Variants in TACR3 observed in about 807,000 individuals in gnomAD.
TACR3 encodes the protein tachykinin receptor 3.
A neutral mutation model predicts 35.0 loss-of-function variants in TACR3; 34 were observed. The observed-to-expected ratio is 0.97, with a 90% CI of 0.74 to 1.30. The LOEUF (loss-of-function observed/expected upper bound fraction) is 1.30. TACR3 is among the 50% of genes most tolerant of loss of function. The pLI is 0.00. For missense variants in TACR3, 558 were observed against 591.7 expected, an observed-to-expected ratio of 0.94 and a Z score of 0.59; for synonymous variants, 233 against 221.1, an observed-to-expected ratio of 1.05 and a Z score of -0.48.
chr4:103,599,250 C>T (rs923869274), intron 3 of TACR3, among the ~76,000 whole-genome samples: 1 of 147,188 alleles, frequency 6.8e-6, no homozygotes, highest in Non-Finnish European at 1.5e-5. Flanking sequence ...ATTTGGCTCT[C>T]TGTTTGTCTG....
At chr4:103,646,898 C>T (rs921533596) in intron 3 of TACR3, among the ~76,000 whole-genome samples, 1 of 151,860 alleles carries the variant, frequency 6.6e-6, no homozygotes, top group Non-Finnish European at 1.5e-5. Context: ...CTATAGTTTT[C>T]TTACTTAGGG....
intron 1 of TACR3, among the ~76,000 whole-genome samples, chr4:103,669,064 A>G (rs1183188645): frequency 3.3e-5 from 5 of 152,204 alleles, no homozygotes; most frequent in East Asian, 1.9e-4. Context: ...AAAATATACA[A>G]TATCTGTCTT....
chr4:103,671,774 T>G (rs749502526), intron 1 of TACR3, among the ~76,000 whole-genome samples: 4 of 152,058 alleles, frequency 2.6e-5, no homozygotes, highest in Non-Finnish European at 4.4e-5. Flanking sequence ...TTTATTGTTA[T>G]AAACTTCCCT....
intron 1 of TACR3, among the ~76,000 whole-genome samples, chr4:103,707,729 G>T (rs752541052): frequency 6.6e-6 from 1 of 152,064 alleles, no homozygotes; most frequent in Non-Finnish European, 1.5e-5. Context: ...AAGCACAAGG[G>T]GTCAGGGAAG....
At chr4:103,600,974 G>A (rs1222397268) in intron 3 of TACR3, among the ~76,000 whole-genome samples, 1 of 152,134 alleles carries the variant, frequency 6.6e-6, no homozygotes, top group Non-Finnish European at 1.5e-5. Context: ...TGTCTATCAG[G>A]TCAGCTTTGT....
intron 3 of TACR3, among the ~76,000 whole-genome samples, chr4:103,651,990 C>T (rs1725628654): frequency 6.6e-6 from 1 of 152,040 alleles, no homozygotes; most frequent in Admixed American, 6.6e-5. Context: ...TTTACTCTTT[C>T]CTCTCCTTTC....
chr4:103,690,006 C>G (rs991547904), intron 1 of TACR3, among the ~76,000 whole-genome samples: 3 of 152,042 alleles, frequency 2.0e-5, no homozygotes, highest in Admixed American at 6.6e-5. Flanking sequence ...ATGAAATTAA[C>G]AGATGGCTTT....
chr4:103,591,803 A>C (rs1723903552), intron 3 of TACR3, 120 bp from the exon 4 acceptor site: 1 of 978,912 alleles, frequency 1.0e-6, no homozygotes. Context: ...GGGAATAGTC[A>C]ATATATTAAA....
At chr4:103,619,870 CA>C (rs1428303326) in intron 3 of TACR3, among the ~76,000 whole-genome samples, 4 of 151,932 alleles carry the variant, frequency 2.6e-5, no homozygotes, top group African/African-American at 9.7e-5. Flanking sequence ...GGAATGTCTC[CA>C]AAGTAACAAA....
intron 3 of TACR3, among the ~76,000 whole-genome samples, chr4:103,600,418 A>G (rs1724167183): frequency 6.6e-6 from 1 of 152,072 alleles, no homozygotes; most frequent in South Asian, 2.1e-4. Flanking sequence ...CAGCTCCTGG[A>G]TTCATTAATC....
chr4:103,610,892 A>G (rs1578225711), intron 3 of TACR3, among the ~76,000 whole-genome samples: 1 of 151,996 alleles, frequency 6.6e-6, no homozygotes, highest in African/African-American at 2.4e-5. Flanking sequence ...TCCTTTCCCC[A>G]ATGTGTGTTC....
intron 3 of TACR3, among the ~76,000 whole-genome samples, chr4:103,627,528 A>G (rs1724924505): frequency 6.6e-6 from 1 of 151,396 alleles, no homozygotes. Context: ...GGTCAAAAAA[A>G]TAAATAAATA....
chr4:103,706,893 T>G (rs1722806385), intron 1 of TACR3, among the ~76,000 whole-genome samples: 1 of 152,196 alleles, frequency 6.6e-6, no homozygotes, highest in African/African-American at 2.4e-5. Context: ...GTTATCTGCT[T>G]CCCAAGCTAT....
rs1207180725 is a variant in TACR3 at position 103,586,703 on chromosome 4, T to C, written c.*2979A>G. On this transcript the variant is annotated 3_prime_UTR_variant, in exon 5 of 5. Transcript: ENST00000304883. ...GAATTCAGCTGCTGGGTCAGAAATGTCACCATCATGAAGTTAGAAGATGGA... is the reference window on the plus strand; with the variant it reads ...GAATTCAGCTGCTGGGTCAGAAATGCCACCATCATGAAGTTAGAAGATGGA... The C allele has an allele frequency of 6.6e-6, 1 of 151,464 alleles. No homozygotes were observed. Among genetic ancestry groups the C allele is most frequent in the Non-Finnish European group, 1.5e-5 (1 of 68,006 alleles). The allele number at this position is 151,464 out of a possible 1,614,324, so 9.4% of individuals were successfully genotyped here. A position where few individuals can be genotyped will look rare whatever the true frequency, so the allele number is the denominator to read the frequency against.
chr4:103,600,108 TATTG>T (rs746342705), intron 3 of TACR3, among the ~76,000 whole-genome samples: 13 of 152,130 alleles, frequency 8.5e-5, no homozygotes, highest in Non-Finnish European at 1.6e-4. Context: ...GTTGGTAAGC[TATTG>T]ATTATTACCT....
chr4:103,680,468 G>GATATATATAT (rs138086790), intron 1 of TACR3, among the ~76,000 whole-genome samples: 2 of 143,302 alleles, frequency 1.4e-5, no homozygotes, highest in Non-Finnish European at 3.1e-5. Flanking sequence ...CAGATTAAGT[G>GATATATATAT]ATATATATAT....
intron 1 of TACR3, among the ~76,000 whole-genome samples, chr4:103,679,334 T>C (rs1362709078): frequency 6.6e-6 from 1 of 152,036 alleles, no homozygotes; most frequent in Non-Finnish European, 1.5e-5. Context: ...GTATAAATAA[T>C]GGCTGTTATG....
At chr4:103,687,279 C>G (rs1450032701) in intron 1 of TACR3, among the ~76,000 whole-genome samples, 1 of 152,116 alleles carries the variant, frequency 6.6e-6, no homozygotes, top group South Asian at 2.1e-4. Context: ...GACAAATCCA[C>G]AGCCAATATC....
intron 1 of TACR3, among the ~76,000 whole-genome samples, chr4:103,703,422 G>T (rs1376921350): frequency 6.6e-6 from 1 of 151,938 alleles, no homozygotes; most frequent in African/African-American, 2.4e-5. Flanking sequence ...AACTATAAAA[G>T]AAAATAAAAT....
Sources: allele counts gnomAD v4.1 joint callset (sites outside exome capture counted in the v4.1 genomes callset), GRCh38; gene constraint gnomAD v4.1.1; transcripts MANE v1.5; gene names NCBI Gene and HGNC (gene_info 2026-07-23, HGNC 2026-07-21).